Variants in GLIS3 observed in about 807,000 individuals in gnomAD.
The protein encoded by GLIS3 is zinc finger protein GLIS3.
In GLIS3, 53 loss-of-function variants were observed where a neutral mutation model predicts 78.6. The observed-to-expected ratio is 0.67, with a 90% confidence interval of 0.54 to 0.85. The LOEUF is 0.85. Ranked by LOEUF, GLIS3 falls within the 40% of genes least tolerant of loss-of-function variation. GLIS3 has a pLI of 0.00. For missense variants in GLIS3, 1,703 were observed against 1,231.1 expected (o/e 1.38, Z -5.74); for synonymous variants, 684 against 509.9 (o/e 1.34, Z -4.60).
chr9:3,904,862 C>A (rs985957728), intron 6 of GLIS3, among the ~76,000 whole-genome samples: 6 of 152,102 alleles, frequency 3.9e-5, no homozygotes, highest in African/African-American at 4.8e-5. Flanking sequence ...CCAAATTATG[C>A]TCTCAGACAT....
chr9:4,075,286 A>C (rs957301337), intron 4 of GLIS3, among the ~76,000 whole-genome samples: 2 of 152,048 alleles, frequency 1.3e-5, no homozygotes, highest in African/African-American at 4.8e-5. Context: ...AAAGATATTC[A>C]GGCCGGGCGC....
the GLIS3 span, among the ~76,000 whole-genome samples, chr9:4,456,375 G>A: frequency 1.3e-5 from 2 of 152,148 alleles, no homozygotes; most frequent in South Asian, 2.1e-4. Context: ...GTTGCTGCGT[G>A]GATGGTCTCT....
the GLIS3 span, among the ~76,000 whole-genome samples, chr9:4,360,989 C>A: frequency 6.6e-6 from 1 of 152,354 alleles, no homozygotes; most frequent in South Asian, 2.1e-4. Context: ...GTCCCAATGC[C>A]TTTGTCCTAG....
At chr9:4,028,321 G>T (rs1823522431) in intron 4 of GLIS3, among the ~76,000 whole-genome samples, 1 of 152,120 alleles carries the variant, frequency 6.6e-6, no homozygotes. Context: ...CTAGCATAAT[G>T]CATTACTTCA....
chr9:4,446,295 C>T, the GLIS3 span, among the ~76,000 whole-genome samples: 1 of 152,118 alleles, frequency 6.6e-6, no homozygotes, highest in East Asian at 1.9e-4. Flanking sequence ...CCCTTGACTG[C>T]TTCCATTATG....
intron 6 of GLIS3, among the ~76,000 whole-genome samples, chr9:3,929,033 G>C (rs1825437450): frequency 6.6e-6 from 1 of 152,158 alleles, no homozygotes; most frequent in Admixed American, 6.5e-5. Flanking sequence ...GTGGCTTATT[G>C]CCTTAGTTTT....
intron 2 of GLIS3, among the ~76,000 whole-genome samples, chr9:4,163,372 A>C (rs1835652766): frequency 6.6e-6 from 1 of 152,282 alleles, no homozygotes. Context: ...GAGCTGGAGG[A>C]TACCTCATTT....
At chr9:4,324,292 C>A (rs1817572868) in intron 2 of GLIS3, among the ~76,000 whole-genome samples, 1 of 152,172 alleles carries the variant, frequency 6.6e-6, no homozygotes, top group Non-Finnish European at 1.5e-5. Flanking sequence ...AGGATGCTGA[C>A]TTTTCCTATA....
intron 2 of GLIS3, among the ~76,000 whole-genome samples, chr9:4,333,645 C>A (rs1817715238): frequency 6.6e-6 from 1 of 152,042 alleles, no homozygotes; most frequent in African/African-American, 2.4e-5. Context: ...ACATACTTGG[C>A]TATGAGACCC....
At chr9:4,446,346 T>C in the GLIS3 span, among the ~76,000 whole-genome samples, 1 of 152,258 alleles carries the variant, frequency 6.6e-6, no homozygotes, top group Non-Finnish European at 1.5e-5. Context: ...AGTAGGAAGC[T>C]ATGCCTTCAC....
At chr9:4,014,763 C>G (rs1822301258) in intron 4 of GLIS3, among the ~76,000 whole-genome samples, 1 of 152,192 alleles carries the variant, frequency 6.6e-6, no homozygotes, top group African/African-American at 2.4e-5. Flanking sequence ...CAGAAATCAC[C>G]TCGTCCAATG....
chr9:3,988,957 A>G (rs1171937623), intron 4 of GLIS3, among the ~76,000 whole-genome samples: 4 of 152,164 alleles, frequency 2.6e-5, no homozygotes, highest in East Asian at 1.9e-4. Context: ...CCTCATGGGA[A>G]GAAGATGAAA....
intron 4 of GLIS3, among the ~76,000 whole-genome samples, chr9:4,084,511 G>C (rs568883842): frequency 2.0e-5 from 3 of 152,260 alleles, no homozygotes; most frequent in Non-Finnish European, 4.4e-5. Flanking sequence ...AGACGAGGAG[G>C]AGCAGCTGGG....
intron 4 of GLIS3, among the ~76,000 whole-genome samples, chr9:4,091,432 T>C (rs1263628044): frequency 6.6e-6 from 1 of 152,086 alleles, no homozygotes; most frequent in East Asian, 1.9e-4. Flanking sequence ...GCATTTTCCA[T>C]TTATCCTTAG....
intron 1 of GLIS3, among the ~76,000 whole-genome samples, chr9:4,288,588 A>G (rs909262261): frequency 6.6e-6 from 1 of 152,226 alleles, no homozygotes; most frequent in African/African-American, 2.4e-5. Context: ...GATCATTAAA[A>G]AGGTGAGTTT....
the GLIS3 span, among the ~76,000 whole-genome samples, chr9:4,398,227 A>T: frequency 1.3e-5 from 2 of 151,660 alleles, no homozygotes; most frequent in Admixed American, 6.6e-5. Flanking sequence ...TATTTTTTTT[A>T]ATATCATTAC....
chr9:4,158,995 G>C (rs1007302689), intron 2 of GLIS3, among the ~76,000 whole-genome samples: 5 of 139,378 alleles, frequency 3.6e-5, no homozygotes, highest in East Asian at 2.2e-4. Context: ...AAGACCTGAA[G>C]GCTGAACCAG....
chr9:3,896,933 T>G (rs2890540), intron 7 of GLIS3, among the ~76,000 whole-genome samples: 1 of 152,152 alleles, frequency 6.6e-6, no homozygotes, highest in African/African-American at 2.4e-5. Context: ...GAATATAGAA[T>G]AGAGTCATGG....
chr9:4,361,623 G>A, the GLIS3 span, among the ~76,000 whole-genome samples: 1 of 152,182 alleles, frequency 6.6e-6, no homozygotes, highest in Non-Finnish European at 1.5e-5. Context: ...CTAAGTAGAA[G>A]CCCAAGCTTT....
Sources: gnomAD v4.1 joint callset for allele counts (sites outside exome capture counted in the v4.1 genomes callset) on GRCh38, gnomAD v4.1.1 for gene constraint, MANE v1.5 for transcripts, NCBI Gene and HGNC (gene_info 2026-07-23, HGNC 2026-07-21) for gene names.